HS3ST4: variants seen among roughly 807,000 people sequenced by gnomAD.
The protein encoded by HS3ST4 is heparan sulfate-glucosamine 3-sulfotransferase 4.
A neutral mutation model predicts 29.2 loss-of-function variants in HS3ST4; 17 were observed. That is an observed-to-expected ratio of 0.58 (90% CI 0.40 to 0.87). HS3ST4 has a LOEUF of 0.87. HS3ST4 is among the 40% of genes least tolerant of loss of function. The probability of loss-of-function intolerance (pLI) is 0.00; values close to 1 mark genes in which losing one functional copy is unlikely to be tolerated. For synonymous variants in HS3ST4, 314 were observed against 285.7 expected, an observed-to-expected ratio of 1.10 and a Z score of -1.00; for missense variants, 627 against 634.5, an observed-to-expected ratio of 0.99 and a Z score of 0.13.
rs769088900 is a variant in HS3ST4, at chr16:25,867,938, TAGAC to T, written c.734+174791_734+174794del. 1.3e-3 allele frequency among the ~76,000 whole-genome samples: 198 copies of T among 152,200 alleles called. 1 individual carries two copies. Among genetic ancestry groups the T allele is most frequent in the South Asian group, 2.9e-3 (14 of 4,818 alleles). On this transcript the variant is annotated intron_variant, in intron 1 of 1. Coordinates refer to ENST00000331351, the MANE Select transcript of HS3ST4 (RefSeq NM_006040.3). ...GATCGATAGATACTAGGTAGGAAGA[TAGAC>T]AGATAGAGACAGGCAGACAGGCAGG...
intron 1 of HS3ST4, among the ~76,000 whole-genome samples, chr16:25,715,191 G>A (rs999649190): frequency 4.1e-4 from 62 of 151,636 alleles, no homozygotes; most frequent in African/African-American, 1.5e-3. Flanking sequence ...GCGCGGTGGC[G>A]GGCGCCTGTA....
intron 1 of HS3ST4, among the ~76,000 whole-genome samples, chr16:26,034,652 C>T (rs1477091542): frequency 7.6e-6 from 1 of 131,192 alleles, no homozygotes; most frequent in East Asian, 2.3e-4. Flanking sequence ...GGAGGTGCTC[C>T]ATTAAATAGC....
intron 1 of HS3ST4, among the ~76,000 whole-genome samples, chr16:25,807,446 A>G (rs1007039992): frequency 1.3e-5 from 2 of 152,190 alleles, no homozygotes; most frequent in Non-Finnish European, 2.9e-5. Context: ...TTTTTATTCA[A>G]CATGATTCCC....
intron 1 of HS3ST4, among the ~76,000 whole-genome samples, chr16:25,706,159 G>A (rs183678986): frequency 1.6e-3 from 250 of 152,182 alleles, no homozygotes; most frequent in African/African-American, 5.4e-3. Context: ...TCATTGTTAC[G>A]TCATTTTTAA....
Position 25,787,562 on chromosome 16 carries a change from G to T in HS3ST4, c.734+94411G>T, listed in dbSNP as rs189171141. Among the ~76,000 whole-genome samples, 329 of 152,276 alleles carry T rather than the reference G, an allele frequency of 2.2e-3. 1 individual carries two copies. Among genetic ancestry groups the T allele is most frequent in the African/African-American group, 7.4e-3 (308 of 41,548 alleles). On this transcript the variant is annotated intron_variant, in intron 1 of 1. Coordinates refer to ENST00000331351, the MANE Select transcript of HS3ST4 (RefSeq NM_006040.3). ...TCTTCTAAAATAGGGATATGCTGCT[G>T]CCAGGAGCACCATAAATGGTAGGAT...
intron 1 of HS3ST4, among the ~76,000 whole-genome samples, chr16:25,698,537 T>C (rs1288364486): frequency 5.3e-5 from 8 of 152,358 alleles, no homozygotes; most frequent in Middle Eastern, 3.4e-3. Context: ...CTTCAGTTGT[T>C]TATCTGAGGG....
intron 1 of HS3ST4, among the ~76,000 whole-genome samples, chr16:26,011,671 T>C (rs1056635681): frequency 1.8e-4 from 25 of 142,606 alleles, no homozygotes; most frequent in African/African-American, 6.7e-4. Flanking sequence ...ATAACAGGTA[T>C]ATGTTTGTGT....
chr16:26,080,644 GGCTACTCCA>G (rs1462015874), intron 1 of HS3ST4, among the ~76,000 whole-genome samples: 1 of 152,094 alleles, frequency 6.6e-6, no homozygotes, highest in Non-Finnish European at 1.5e-5. Context: ...AATGTCTCAG[GGCTACTCCA>G]GCCAAGGGAC....
chr16:26,019,871 C>G (rs1245254305), intron 1 of HS3ST4, among the ~76,000 whole-genome samples: 1 of 152,210 alleles, frequency 6.6e-6, no homozygotes, highest in African/African-American at 2.4e-5. Context: ...GATTCTCATT[C>G]TGACTCGCAT....
chr16:25,847,076 GCTTT>G (rs1967474614), intron 1 of HS3ST4, among the ~76,000 whole-genome samples: 1 of 146,952 alleles, frequency 6.8e-6, no homozygotes, highest in African/African-American at 2.5e-5. Flanking sequence ...CAGTTTATTA[GCTTT>G]CTTTAAAACA....
chr16:26,048,339 G>A (rs1898293945), intron 1 of HS3ST4, among the ~76,000 whole-genome samples: 1 of 152,194 alleles, frequency 6.6e-6, no homozygotes, highest in South Asian at 2.1e-4. Context: ...AGGTCCAAGT[G>A]GCAACATGAG....
chr16:26,132,236 G>A lies in HS3ST4; in HGVS notation c.735-3376G>A, dbSNP rs1899429626. Among the ~76,000 whole-genome samples the A allele has an allele frequency of 2.6e-5, 4 of 152,104 alleles. No individual in the cohort carries two copies. In the South Asian group the frequency reaches 8.3e-4, roughly 32 times the overall value. Reference sequence around the variant, plus strand: ...AATGACTATAACTGATTCAGAATCAGTTTGAGGAAAGGGAGCTTTGTCCTT... The same window carrying A: ...AATGACTATAACTGATTCAGAATCAATTTGAGGAAAGGGAGCTTTGTCCTT... On this transcript the variant is annotated intron_variant, in intron 1 of 1. Transcript: ENST00000331351.
chr16:26,086,239 AT>A (rs1898785097), intron 1 of HS3ST4, among the ~76,000 whole-genome samples: 1 of 152,228 alleles, frequency 6.6e-6, no homozygotes, highest in Non-Finnish European at 1.5e-5. Context: ...CCTTATAAAT[AT>A]AAATATGAGA....
intron 1 of HS3ST4, among the ~76,000 whole-genome samples, chr16:25,727,217 A>G (rs1187990511): frequency 6.6e-5 from 10 of 152,210 alleles, no homozygotes; most frequent in Admixed American, 3.3e-4. Context: ...TTAATAGCAA[A>G]AGACTGGAAA....
At chr16:25,864,609 A>G (rs1010803678) in intron 1 of HS3ST4, among the ~76,000 whole-genome samples, 2 of 152,000 alleles carry the variant, frequency 1.3e-5, no homozygotes, top group African/African-American at 4.8e-5. Context: ...TGGGTTCCAC[A>G]TTGTAAAATT....
intron 1 of HS3ST4, among the ~76,000 whole-genome samples, chr16:25,734,806 G>T (rs1966596019): frequency 6.6e-6 from 1 of 152,284 alleles, no homozygotes; most frequent in South Asian, 2.1e-4. Flanking sequence ...AGAAGCCTAA[G>T]GAGTCACCTG....
intron 1 of HS3ST4, among the ~76,000 whole-genome samples, chr16:25,950,764 G>C (rs1181989493): frequency 2.0e-5 from 3 of 152,094 alleles, no homozygotes; most frequent in Non-Finnish European, 4.4e-5. Context: ...GCATTGATCA[G>C]CTGAGCTTGA....
chr16:25,879,836 C>A (rs1412107062), intron 1 of HS3ST4, among the ~76,000 whole-genome samples: 1 of 152,098 alleles, frequency 6.6e-6, no homozygotes, highest in Non-Finnish European at 1.5e-5. Context: ...GGAGGCCTCA[C>A]AATCATGGCG....
intron 1 of HS3ST4, among the ~76,000 whole-genome samples, chr16:25,986,915 A>G (rs1341610701): frequency 2.0e-5 from 3 of 152,232 alleles, no homozygotes; most frequent in Non-Finnish European, 4.4e-5. Flanking sequence ...ATTACATTTC[A>G]TTAACAGGGA....
Sources: gnomAD v4.1 joint callset for allele counts (sites outside exome capture counted in the v4.1 genomes callset) on GRCh38, gnomAD v4.1.1 for gene constraint, MANE v1.5 for transcripts, NCBI Gene and HGNC (gene_info 2026-07-23, HGNC 2026-07-21) for gene names.